The following QTMAN variants were observed in gnomAD, a reference collection of about 807,000 sequenced individuals.
The protein encoded by QTMAN is tRNA-queuosine alpha-mannosyltransferase.
the QTMAN span, among the ~76,000 whole-genome samples, chr2:144,239,498 G>T: frequency 6.6e-6 from 1 of 152,122 alleles, no homozygotes; most frequent in African/African-American, 2.4e-5. Context: ...TTTGACTGGT[G>T]GGGGGTGGGA....
chr2:143,962,336 A>G, the QTMAN span, among the ~76,000 whole-genome samples: 1 of 152,086 alleles, frequency 6.6e-6, no homozygotes, highest in Non-Finnish European at 1.5e-5. Context: ...TAAGCAACAA[A>G]TAACACAAGA....
chr2:144,273,299 C>G, the QTMAN span, among the ~76,000 whole-genome samples: 1 of 152,004 alleles, frequency 6.6e-6, no homozygotes, highest in African/African-American at 2.4e-5. Context: ...GAAAACTTCT[C>G]CAGGGGACTC....
chr2:143,976,652 T>C, the QTMAN span, among the ~76,000 whole-genome samples: 10 of 152,204 alleles, frequency 6.6e-5, no homozygotes, highest in Admixed American at 2.0e-4. Context: ...TGGTGTGTCA[T>C]AGTGCTTTGA....
the QTMAN span, among the ~76,000 whole-genome samples, chr2:144,175,398 A>T: frequency 0.011 from 1,609 of 152,174 alleles, 11 homozygotes; most frequent in Non-Finnish European, 0.014. Flanking sequence ...GCCAAAAAAA[A>T]TTTTTTTACA....
At chr2:144,127,057 T>C in the QTMAN span, among the ~76,000 whole-genome samples, 1 of 151,996 alleles carries the variant, frequency 6.6e-6, no homozygotes. Flanking sequence ...CTTACCTGCA[T>C]ATTAATCATC....
chr2:144,011,738 C>A, the QTMAN span: 12 of 984,734 alleles, frequency 1.2e-5, no homozygotes, highest in Admixed American at 6.2e-4. Flanking sequence ...GGCATTAATT[C>A]AATGACGTGA....
At chr2:144,302,492 G>C in the QTMAN span, among the ~76,000 whole-genome samples, 8 of 152,210 alleles carry the variant, frequency 5.3e-5, no homozygotes, top group African/African-American at 1.9e-4. Flanking sequence ...TCTTAGGAGA[G>C]CATGATACTT....
At chr2:144,051,444 C>T in the QTMAN span, among the ~76,000 whole-genome samples, 1 of 152,116 alleles carries the variant, frequency 6.6e-6, no homozygotes, top group African/African-American at 2.4e-5. Context: ...GGCTTGAGCC[C>T]AGGAGTTCAA....
the QTMAN span, among the ~76,000 whole-genome samples, chr2:144,072,743 T>C: frequency 6.6e-6 from 1 of 152,226 alleles, no homozygotes; most frequent in South Asian, 2.1e-4. Flanking sequence ...GTGCTCAGCA[T>C]GTACATGACA....
the QTMAN span, among the ~76,000 whole-genome samples, chr2:144,268,290 C>T: frequency 1.2e-4 from 19 of 152,092 alleles, no homozygotes; most frequent in African/African-American, 4.6e-4. Context: ...GATGCTGGTG[C>T]CATGTTTCTT....
At chr2:144,310,321 T>A in the QTMAN span, among the ~76,000 whole-genome samples, 4 of 151,862 alleles carry the variant, frequency 2.6e-5, no homozygotes. Context: ...GAGGTATGAA[T>A]GAAGGTTAGG....
At chr2:144,284,407 T>G in the QTMAN span, among the ~76,000 whole-genome samples, 2 of 152,094 alleles carry the variant, frequency 1.3e-5, no homozygotes, top group African/African-American at 4.8e-5. Context: ...GAGAAATTAT[T>G]ATGATAATTA....
chr2:144,328,546 G>A, the QTMAN span, among the ~76,000 whole-genome samples: 1 of 152,210 alleles, frequency 6.6e-6, no homozygotes, highest in South Asian at 2.1e-4. Flanking sequence ...AGCAATGGAT[G>A]CTCAGGGCAC....
At chr2:144,160,986 C>T in the QTMAN span, among the ~76,000 whole-genome samples, 1 of 152,058 alleles carries the variant, frequency 6.6e-6, no homozygotes, top group African/African-American at 2.4e-5. Context: ...GACAACTCCA[C>T]GCAACCCAAG....
chr2:144,095,115 C>T, the QTMAN span, among the ~76,000 whole-genome samples: 1 of 152,180 alleles, frequency 6.6e-6, no homozygotes, highest in Admixed American at 6.5e-5. Context: ...TTGTCATTCT[C>T]CCCTATCCTT....
chr2:144,307,102 A>G, the QTMAN span, among the ~76,000 whole-genome samples: 7 of 138,372 alleles, frequency 5.1e-5, no homozygotes, highest in Non-Finnish European at 7.7e-5. Flanking sequence ...CAGAGATTGC[A>G]GTGAGCCGAG....
At chr2:144,087,062 A>T in the QTMAN span, among the ~76,000 whole-genome samples, 4 of 152,168 alleles carry the variant, frequency 2.6e-5, no homozygotes, top group African/African-American at 2.4e-5. Context: ...CTTTAATAAG[A>T]TCAATAAAAT....
chr2:144,133,141 ATATATATAT>A, the QTMAN span, among the ~76,000 whole-genome samples: 1 of 48,798 alleles, frequency 2.0e-5, no homozygotes, highest in African/African-American at 1.3e-4. Context: ...ATATATATAT[ATATATATAT>A]AATATAATAT....
chr2:144,186,858 C>T, the QTMAN span, among the ~76,000 whole-genome samples: 3 of 152,092 alleles, frequency 2.0e-5, no homozygotes, highest in East Asian at 5.8e-4. Flanking sequence ...AATGTCATCA[C>T]CTAACTCTCC....
Sources: gnomAD v4.1 joint callset for allele counts (sites outside exome capture counted in the v4.1 genomes callset) on GRCh38, gnomAD v4.1.1 for gene constraint, MANE v1.5 for transcripts, NCBI Gene and HGNC (gene_info 2026-07-23, HGNC 2026-07-21) for gene names.